The following SCAMP1 variants were observed in gnomAD, a reference collection of about 807,000 sequenced individuals.
The protein encoded by SCAMP1 is secretory carrier-associated membrane protein 1.
Under a neutral mutation model 41.8 loss-of-function variants are expected in SCAMP1, and 15 were observed. The ratio of observed to expected loss-of-function variants is 0.36; its 90% CI spans 0.24 to 0.55. SCAMP1 has a LOEUF of 0.55. SCAMP1 is among the 20% of genes least tolerant of loss of function. The pLI is 0.86. For synonymous variants in SCAMP1, 135 were observed against 136.8 expected (o/e 0.99, Z 0.09); for missense variants, 341 against 412.6 (o/e 0.83, Z 1.50).
chr5:78,456,977 G>T (rs4021942), intron 7 of SCAMP1, among the ~76,000 whole-genome samples: 29 of 126,342 alleles, frequency 2.3e-4, no homozygotes, highest in Admixed American at 1.1e-3. Context: ...TTGATCGCAT[G>T]GGCTCCTGAG....
chr5:78,456,495 G>T (rs1753405983), intron 7 of SCAMP1, among the ~76,000 whole-genome samples: 1 of 151,702 alleles, frequency 6.6e-6, no homozygotes, highest in Non-Finnish European at 1.5e-5. Context: ...TTTTCTTTAA[G>T]AATGTTGAAT....
intron 6 of SCAMP1, among the ~76,000 whole-genome samples, chr5:78,425,359 GC>G (rs1258935704): frequency 6.6e-6 from 1 of 152,282 alleles, no homozygotes; most frequent in South Asian, 2.1e-4. Flanking sequence ...TACCGCTGAA[GC>G]ACTGGTATGT....
intron 5 of SCAMP1, 37 bp downstream of exon 5, chr5:78,418,940 T>A: frequency 3.3e-6 from 5 of 1,521,064 alleles, no homozygotes; most frequent in Non-Finnish European, 4.4e-6. Context: ...GCTTAGAATT[T>A]GTATTTTTGT....
At chr5:78,427,844 T>C (rs1440886728) in intron 6 of SCAMP1, among the ~76,000 whole-genome samples, 1 of 152,210 alleles carries the variant, frequency 6.6e-6, no homozygotes. Flanking sequence ...GGTGAAATGT[T>C]TGTTCAAGTT....
intron 7 of SCAMP1, among the ~76,000 whole-genome samples, chr5:78,451,958 T>C (rs1753244723): frequency 6.6e-6 from 1 of 152,206 alleles, no homozygotes; most frequent in African/African-American, 2.4e-5. Flanking sequence ...TCTGGCCTCC[T>C]TTTTATTTTT....
intron 1 of SCAMP1, among the ~76,000 whole-genome samples, chr5:78,383,955 T>C (rs1751275669): frequency 6.6e-6 from 1 of 152,136 alleles, no homozygotes; most frequent in Non-Finnish European, 1.5e-5. Flanking sequence ...ATTGTTTTTC[T>C]AGTTCTGTGA....
chr5:78,443,212 C>CAAAAA (rs398051015), intron 6 of SCAMP1, among the ~76,000 whole-genome samples: 8 of 66,044 alleles, frequency 1.2e-4, no homozygotes, highest in Admixed American at 4.6e-4. Flanking sequence ...GACTCTGTCT[C>CAAAAA]AAAAAAAAAA....
chr5:78,436,431 T>C (rs918151469), intron 6 of SCAMP1, among the ~76,000 whole-genome samples: 3 of 152,264 alleles, frequency 2.0e-5, no homozygotes, highest in African/African-American at 7.2e-5. Flanking sequence ...CGGTTTCAGC[T>C]TTCTACATCT....
At chr5:78,401,281 A>C (rs1751790700) in intron 2 of SCAMP1, among the ~76,000 whole-genome samples, 2 of 152,046 alleles carry the variant, frequency 1.3e-5, no homozygotes, top group Admixed American at 6.6e-5. Flanking sequence ...TTCATCAGAG[A>C]ATATTGATCT....
intron 8 of SCAMP1, among the ~76,000 whole-genome samples, chr5:78,470,127 A>T (rs1753851543): frequency 1.3e-5 from 2 of 152,136 alleles, no homozygotes; most frequent in South Asian, 4.2e-4. Flanking sequence ...AACCTAAAGT[A>T]TACAATTTAA....
At position 78,388,920 on chromosome 5, in the gene SCAMP1, A is replaced by T. The variant is rs375155619; in HGVS notation, c.135+6A>T. 81 of 1,396,774 alleles carry T rather than the reference A, an allele frequency of 5.8e-5. No homozygotes were observed. Among genetic ancestry groups the T allele is most frequent in the Non-Finnish European group, 1.7e-5 (17 of 1,010,244 alleles). 86.5% of individuals were successfully genotyped at this position (1,396,774 alleles called of 1,614,324 possible). A position where few individuals can be genotyped will look rare whatever the true frequency, so the allele number is the denominator to read the frequency against. On this transcript the variant is annotated splice_donor_region_variant and intron_variant, in intron 2 of 8. Transcript: ENST00000621999. Reference sequence around the variant, plus strand: ...CATTCTCGGATTCTAGAACAGTAAGATTATTCTTGCTTTTAAATGTTTAAA... The same window carrying T: ...CATTCTCGGATTCTAGAACAGTAAGTTTATTCTTGCTTTTAAATGTTTAAA...
At chr5:78,387,830 A>G (rs1383141860) in intron 1 of SCAMP1, among the ~76,000 whole-genome samples, 1 of 152,236 alleles carries the variant, frequency 6.6e-6, no homozygotes, top group Non-Finnish European at 1.5e-5. Flanking sequence ...TCTGTCAGCC[A>G]TGGATACCAA....
At chr5:78,363,143 C>T (rs1352628615) in intron 1 of SCAMP1, among the ~76,000 whole-genome samples, 1 of 151,704 alleles carries the variant, frequency 6.6e-6, no homozygotes, top group Non-Finnish European at 1.5e-5. Context: ...CCACCTGCCT[C>T]AGTCTCCCAA....
chr5:78,415,638 A>C lies in SCAMP1; in HGVS notation c.234+20A>C, dbSNP rs1449794940. On this transcript the variant is annotated intron_variant, in intron 3 of 8. Coordinates refer to ENST00000621999, the MANE Select transcript of SCAMP1 (RefSeq NM_004866.6). ...GCAAAGGTTAGTTCATGTTAGTTGTATAAATTCATATTGGCCATTATAATA... is the reference window on the plus strand; with the variant it reads ...GCAAAGGTTAGTTCATGTTAGTTGTCTAAATTCATATTGGCCATTATAATA... 7.2e-7 allele frequency: 1 copy of C among 1,388,336 alleles called. No homozygotes were observed. The highest frequency in any genetic ancestry group is 1.0e-6 in the Non-Finnish European group (1 of 992,286). The allele number at this position is 1,388,336 out of a possible 1,614,324, so 86.0% of individuals were successfully genotyped here.
intron 1 of SCAMP1, among the ~76,000 whole-genome samples, chr5:78,388,376 G>C (rs1298943090): frequency 1.3e-5 from 2 of 152,210 alleles, no homozygotes; most frequent in African/African-American, 4.8e-5. Context: ...AATAAAACAA[G>C]AGTTACTTAA....
chr5:78,416,823 G>A (rs1365317287), intron 4 of SCAMP1, among the ~76,000 whole-genome samples, 174 bp downstream of exon 4: 1 of 152,110 alleles, frequency 6.6e-6, no homozygotes, highest in African/African-American at 2.4e-5. Context: ...TTCTAATCTT[G>A]GCTGATTTGC....
chr5:78,434,021 C>T (rs1404194274), intron 6 of SCAMP1, among the ~76,000 whole-genome samples: 1 of 152,158 alleles, frequency 6.6e-6, no homozygotes, highest in African/African-American at 2.4e-5. Flanking sequence ...CATTTTACCT[C>T]CCACATAAAG....
At position 78,413,421 on chromosome 5, in the gene SCAMP1, C is replaced by CTTT. The variant is rs10661289; in HGVS notation, c.136-2087_136-2085dup. On this transcript the variant is annotated intron_variant, in intron 2 of 8. Coordinates refer to ENST00000621999, the MANE Select transcript of SCAMP1 (RefSeq NM_004866.6). ...GGTTTGACCTGTTTTTAGTTCCTGC[C>CTTT]TTTTTTTTTTTTTTGAGATAGACTC... 7.3e-3 allele frequency among the ~76,000 whole-genome samples: 1,023 copies of CTTT among 139,944 alleles called. 7 individuals are homozygous for CTTT. Among genetic ancestry groups the CTTT allele is most frequent in the South Asian group, 0.011 (47 of 4,450 alleles). The allele number at this position is 139,944 out of a possible 152,430, so 91.8% of individuals were successfully genotyped here.
At chr5:78,436,499 G>C (rs929199761) in intron 6 of SCAMP1, among the ~76,000 whole-genome samples, 11 of 152,146 alleles carry the variant, frequency 7.2e-5, no homozygotes, top group Non-Finnish European at 5.9e-5. Flanking sequence ...CCCATTTCTT[G>C]TTTTTGTCAG....
Sources: gnomAD v4.1 joint callset for allele counts (sites outside exome capture counted in the v4.1 genomes callset) on GRCh38, gnomAD v4.1.1 for gene constraint, MANE v1.5 for transcripts, NCBI Gene and HGNC (gene_info 2026-07-23, HGNC 2026-07-21) for gene names.